The following CCL28 variants were observed in gnomAD, a reference collection of about 807,000 sequenced individuals.
CCL28 encodes C-C motif chemokine ligand 28.
Under a neutral mutation model 7.1 loss-of-function variants are expected in CCL28, and 4 were observed. That is an observed-to-expected ratio of 0.56 (90% confidence interval 0.28 to 1.29). The LOEUF is 1.29. CCL28 is among the 50% of genes most tolerant of loss of function. The pLI, the probability that CCL28 is intolerant of heterozygous loss-of-function variation, is 0.11. For synonymous variants in CCL28, 55 were observed against 57.8 expected, an observed-to-expected ratio of 0.95 and a Z score of 0.22; for missense variants, 151 against 163.4, an observed-to-expected ratio of 0.92 and a Z score of 0.41.
At chr5:43,403,907 T>TC (rs1282913453) in intron 1 of CCL28, among the ~76,000 whole-genome samples, 3 of 151,998 alleles carry the variant, frequency 2.0e-5, no homozygotes, top group Non-Finnish European at 4.4e-5. Context: ...AGGAAGGGTA[T>TC]GGTGATGGAA....
chr5:43,411,497 TTTCCTTTCCTTTC>T lies in CCL28; in HGVS notation c.64+743_64+755del, dbSNP rs573248990. 2.6e-3 allele frequency among the ~76,000 whole-genome samples: 390 copies of T among 152,280 alleles called. 3 individuals are homozygous for T. Among genetic ancestry groups the T allele is most frequent in the African/African-American group, 8.9e-3 (370 of 41,566 alleles). On this transcript the variant is annotated intron_variant, in intron 1 of 2. Coordinates refer to ENST00000361115, the MANE Select transcript of CCL28 (RefSeq NM_148672.3). ...ATCCTGCTTTTCTTCTTTTTCTTTCTTTCCTTTCCTTTCTTCCTTTCCTTCTCTTTCCCCTCCC... is the reference window on the plus strand; with the variant it reads ...ATCCTGCTTTTCTTCTTTTTCTTTCTTTCCTTTCCTTCTCTTTCCCCTCCC...
chr5:43,384,680 A>G (rs1386165134), intron 2 of CCL28, among the ~76,000 whole-genome samples: 1 of 151,690 alleles, frequency 6.6e-6, no homozygotes, highest in Non-Finnish European at 1.5e-5. Flanking sequence ...ATAGCTGGAG[A>G]TAGTCTGATG....
intron 1 of CCL28, among the ~76,000 whole-genome samples, chr5:43,408,613 A>G (rs1741402023): frequency 6.6e-6 from 1 of 152,144 alleles, no homozygotes; most frequent in Middle Eastern, 3.2e-3. Flanking sequence ...CATTGTGCAC[A>G]TGTACCCTAG....
At position 43,405,169 on chromosome 5, in the gene CCL28, A is replaced by G. The variant is rs138432603; in HGVS notation, c.64+7084T>C. ...CACCAAGCAGACCTAATAGACATCT[A>G]CAGAACTCTCCACCCCAAATCAACA... On this transcript the variant is annotated intron_variant, in intron 1 of 2. Coordinates refer to ENST00000361115, the MANE Select transcript of CCL28 (RefSeq NM_148672.3). Among the ~76,000 whole-genome samples, 1,264 of 152,352 alleles carry G rather than the reference A, an allele frequency of 8.3e-3. 12 individuals are homozygous for G. Among genetic ancestry groups the G allele is most frequent in the African/African-American group, 0.029 (1,211 of 41,582 alleles).
At chr5:43,411,827 C>T (rs147966787) in intron 1 of CCL28, among the ~76,000 whole-genome samples, 6 of 152,328 alleles carry the variant, frequency 3.9e-5, no homozygotes, top group East Asian at 1.9e-4. Flanking sequence ...CTAATTTGAA[C>T]GCAGCTGGCC....
chr5:43,364,884 C>CT, the CCL28 span, among the ~76,000 whole-genome samples: 1 of 151,774 alleles, frequency 6.6e-6, no homozygotes, highest in East Asian at 1.9e-4. Flanking sequence ...GCAACCCCTG[C>CT]TTTTTTTGTT....
the CCL28 span, among the ~76,000 whole-genome samples, chr5:43,368,042 A>AGGAAT: frequency 6.6e-6 from 1 of 152,196 alleles, no homozygotes; most frequent in Admixed American, 6.5e-5. Flanking sequence ...AGGCTTTAAC[A>AGGAAT]CCAGACAGAA....
At chr5:43,400,363 T>C (rs948046520) in intron 1 of CCL28, among the ~76,000 whole-genome samples, 4 of 152,132 alleles carry the variant, frequency 2.6e-5, no homozygotes, top group African/African-American at 9.7e-5. Flanking sequence ...GGTTTTGTTA[T>C]TGTTGGAGAG....
Position 43,412,269 on chromosome 5 carries a change from G to A in CCL28, c.48C>T (p.Ala16=), listed in dbSNP as rs1300868731. 1 of 1,612,522 alleles carries A rather than the reference G, an allele frequency of 6.2e-7. No individual in the cohort carries two copies. The highest frequency in any genetic ancestry group is 8.5e-7 in the Non-Finnish European group (1 of 1,179,244). Residue 16 remains alanine, a synonymous_variant, in exon 1 of 3, where the codon GCC becomes GCT. Transcript: ENST00000361115. ...CCCACTCACCTTCTGAGGCATGTAGGGCCGCACAGACAGCCAAGGCCACGA... is the reference window on the plus strand; with the variant it reads ...CCCACTCACCTTCTGAGGCATGTAGAGCCGCACAGACAGCCAAGGCCACGA... ...LAIVALAVCA[A]LHASEAILPI...
At chr5:43,398,432 C>T (rs1740904149) in intron 1 of CCL28, among the ~76,000 whole-genome samples, 1 of 152,188 alleles carries the variant, frequency 6.6e-6, no homozygotes, top group South Asian at 2.1e-4. Flanking sequence ...ACTTTGTGCC[C>T]AGGCAGAGCA....
chr5:43,367,135 G>T, the CCL28 span, among the ~76,000 whole-genome samples: 1 of 152,250 alleles, frequency 6.6e-6, no homozygotes, highest in African/African-American at 2.4e-5. Context: ...CTGGCAGCAA[G>T]AATTTCAAGC....
downstream of CCL28, chr5:43,376,994 T>G (rs1268944829): frequency 6.6e-6 from 1 of 152,126 alleles, no homozygotes; most frequent in African/African-American, 2.4e-5. Context: ...TCCACATAAT[T>G]CTGAAGCAAT....
chr5:43,363,322 C>G, the CCL28 span, among the ~76,000 whole-genome samples: 1 of 152,142 alleles, frequency 6.6e-6, no homozygotes, highest in African/African-American at 2.4e-5. Context: ...GGCTAGGCAC[C>G]AGGAATACAA....
In CCL28 at chr5:43,388,364, G is replaced by T. The variant is rs1216251398; in HGVS notation, c.177C>A (p.Asp59Glu). 1.2e-6 allele frequency: 2 copies of T among 1,614,114 alleles called. No homozygotes were observed. Among genetic ancestry groups the T allele is most frequent in the South Asian group, 2.2e-5 (2 of 91,072 alleles). Reference sequence around the variant, plus strand: ...TGAGCACTCACATGACAGCAGCCAAGTCACAATCCCCATCAGCTCTCTGGA... The same window carrying T: ...TGAGCACTCACATGACAGCAGCCAATTCACAATCCCCATCAGCTCTCTGGA... ...CRIQRADGDCDLAAVILHVKR... is the reference protein window; with the variant it reads ...CRIQRADGDCELAAVILHVKR... The change falls in exon 2 of 3, where the codon GAC becomes GAA. Residue 59 changes from aspartate (D) to glutamate (E), a missense_variant. Physicochemically the swap from Asp to Glu is conservative, Grantham distance 45. Transcript: ENST00000361115.
At chr5:43,359,662 G>C in the CCL28 span, among the ~76,000 whole-genome samples, 1 of 152,182 alleles carries the variant, frequency 6.6e-6, no homozygotes, top group African/African-American at 2.4e-5. Context: ...TGTTCCCCTA[G>C]ATTGTTTTTC....
At chr5:43,367,358 T>TTC in the CCL28 span, among the ~76,000 whole-genome samples, 1 of 152,130 alleles carries the variant, frequency 6.6e-6, no homozygotes, top group Non-Finnish European at 1.5e-5. Context: ...AGGGCCCTGG[T>TTC]GACATAAGCA....
intron 1 of CCL28, among the ~76,000 whole-genome samples, chr5:43,408,649 T>G (rs1346723576): frequency 6.6e-6 from 1 of 151,818 alleles, no homozygotes; most frequent in Non-Finnish European, 1.5e-5. Context: ...AAAAAAAAAT[T>G]GGTGTGGATG....
At chr5:43,408,025 C>G (rs1197517276) in intron 1 of CCL28, among the ~76,000 whole-genome samples, 1 of 152,192 alleles carries the variant, frequency 6.6e-6, no homozygotes, top group Non-Finnish European at 1.5e-5. Flanking sequence ...AATAGGAACA[C>G]TTTTACACTG....
chr5:43,403,943 A>G (rs1447060564), intron 1 of CCL28, among the ~76,000 whole-genome samples: 19 of 152,320 alleles, frequency 1.2e-4, no homozygotes, highest in Non-Finnish European at 5.9e-5. Context: ...ATGAAGTGAG[A>G]AGAGAAGTTT....
Sources: gnomAD v4.1 joint callset for allele counts (sites outside exome capture counted in the v4.1 genomes callset) on GRCh38, gnomAD v4.1.1 for gene constraint, MANE v1.5 for transcripts, NCBI Gene and HGNC (gene_info 2026-07-23, HGNC 2026-07-21) for gene names.